The following SOCS6 variants were observed in gnomAD, a reference collection of about 807,000 sequenced individuals.
SOCS6 encodes STAT induced STAT inhibitor-4.
Under a neutral mutation model 27.7 loss-of-function variants are expected in SOCS6, and 5 were observed. The observed-to-expected ratio is 0.18, with a 90% CI of 0.09 to 0.38. The LOEUF (loss-of-function observed/expected upper bound fraction) is 0.38, where lower values mean the gene tolerates loss of function less well. Among genes scored for constraint, SOCS6 ranks in the 10% least tolerant of loss-of-function variants. The pLI is 1.00. For missense variants in SOCS6, 595 were observed against 688.1 expected, an observed-to-expected ratio of 0.86 and a Z score of 1.51; for synonymous variants, 271 against 260.0, an observed-to-expected ratio of 1.04 and a Z score of -0.41.
intron 1 of SOCS6, among the ~76,000 whole-genome samples, chr18:70,296,888 C>G (rs991918929): frequency 1.4e-5 from 2 of 138,374 alleles, no homozygotes; most frequent in African/African-American, 2.6e-5. Flanking sequence ...TCTTCCCTTT[C>G]ATTTTCTCAT....
intron 1 of SOCS6, among the ~76,000 whole-genome samples, chr18:70,289,381 C>A (rs1012335832): frequency 3.4e-5 from 5 of 148,016 alleles, no homozygotes; most frequent in African/African-American, 1.2e-4. Context: ...GGGGCCGGGG[C>A]GCGGCGGCCC....
At chr18:70,307,819 C>T (rs1422522259) in intron 1 of SOCS6, among the ~76,000 whole-genome samples, 2 of 151,934 alleles carry the variant, frequency 1.3e-5, no homozygotes, top group Non-Finnish European at 2.9e-5. Context: ...TGTTTTTTCC[C>T]TCTTGTTTTT....
chr18:70,317,493 CACATATATACATACATATATACAT>C (rs530915852), intron 1 of SOCS6, among the ~76,000 whole-genome samples: 2 of 130,346 alleles, frequency 1.5e-5, no homozygotes, highest in Admixed American at 7.3e-5. Flanking sequence ...TACATATATA[CACATATATACATACATATATACAT>C]ACATATATAC....
intron 1 of SOCS6, among the ~76,000 whole-genome samples, chr18:70,293,358 A>G (rs713130): frequency 0.7 from 106,100 of 151,972 alleles, 37,400 homozygotes; most frequent in African/African-American, 0.78. Flanking sequence ...CAGAGAGACA[A>G]CTGTCACTGC....
intron 1 of SOCS6, among the ~76,000 whole-genome samples, chr18:70,304,609 A>C (rs112976265): frequency 6.6e-6 from 1 of 152,144 alleles, no homozygotes; most frequent in African/African-American, 2.4e-5. Flanking sequence ...AGGTTTGTTC[A>C]CATCTTTTGC....
intron 1 of SOCS6, among the ~76,000 whole-genome samples, chr18:70,320,407 GA>G (rs1347043072): frequency 3.3e-5 from 5 of 152,154 alleles, no homozygotes; most frequent in Non-Finnish European, 7.3e-5. Flanking sequence ...ATAGTTATAT[GA>G]AAAGGTTATT....
chr18:70,310,464 T>C (rs1197412541), intron 1 of SOCS6, among the ~76,000 whole-genome samples: 4 of 138,680 alleles, frequency 2.9e-5, no homozygotes, highest in Non-Finnish European at 6.2e-5. Flanking sequence ...TAATTTTTTG[T>C]GGGGTTTTTT....
At chr18:70,304,725 T>C (rs1438249910) in intron 1 of SOCS6, among the ~76,000 whole-genome samples, 2 of 152,240 alleles carry the variant, frequency 1.3e-5, no homozygotes, top group Non-Finnish European at 2.9e-5. Flanking sequence ...CACAGATATT[T>C]TCTTCTAGCC....
chr18:70,289,656 C>G (rs1420448137), intron 1 of SOCS6, among the ~76,000 whole-genome samples: 2 of 149,646 alleles, frequency 1.3e-5, no homozygotes, highest in African/African-American at 2.4e-5. Flanking sequence ...GCCTGGGGCG[C>G]GGCGCTGGGA....
At chr18:70,311,431 G>T (rs2062390457) in intron 1 of SOCS6, among the ~76,000 whole-genome samples, 1 of 152,154 alleles carries the variant, frequency 6.6e-6, no homozygotes, top group South Asian at 2.1e-4. Context: ...GAGCATCACG[G>T]ACCTGCTTTT....
chr18:70,289,826 G>A (rs1481830343), intron 1 of SOCS6, among the ~76,000 whole-genome samples: 1 of 152,296 alleles, frequency 6.6e-6, no homozygotes, highest in African/African-American at 2.4e-5. Flanking sequence ...GGACCGACAC[G>A]GGCCTGAATT....
In SOCS6 at chr18:70,322,516, G is replaced by T. The variant is rs542693241; in HGVS notation, c.-126-2027G>T. On this transcript the variant is annotated intron_variant, in intron 1 of 1. Coordinates refer to ENST00000397942, the MANE Select transcript of SOCS6 (RefSeq NM_004232.4). Reference sequence around the variant, plus strand: ...TAGTCTCTCGTGTTTTGGGGTATGGGTGTGATAGTGGGAAGCACAACTATT... The same window carrying T: ...TAGTCTCTCGTGTTTTGGGGTATGGTTGTGATAGTGGGAAGCACAACTATT... Among the ~76,000 whole-genome samples, 104 of 152,154 alleles carry T rather than the reference G, an allele frequency of 6.8e-4. 1 individual carries two copies. Among genetic ancestry groups the T allele is most frequent in the Non-Finnish European group, 1.4e-3 (92 of 68,026 alleles).
chr18:70,325,855 G>A lies in SOCS6; in HGVS notation c.1187G>A (p.Gly396Glu). The change falls in exon 2 of 2, where the codon GGG (glycine) becomes GAG (glutamate). Residue 396 changes from glycine (G) to glutamate (E), a missense_variant. By Grantham distance (98) the Gly-to-Glu change is moderately conservative. Coordinates refer to ENST00000397942, the MANE Select transcript of SOCS6 (RefSeq NM_004232.4). This position sits in a 1 kb window ranked among gnomAD's most constrained non-coding sequence, Gnocchi z 6.3. ...WGPITRWEAE[G>E]KLANVPDGSF... ...CCAATCACACGTTGGGAGGCAGAAG[G>A]GAAGCTAGCAAACGTGCCAGATGGT... 6.2e-7 allele frequency: 1 copy of A among 1,614,214 alleles called. No homozygotes were observed. The highest frequency in any genetic ancestry group is 8.5e-7 in the Non-Finnish European group (1 of 1,180,024).
At chr18:70,307,490 A>G (rs903134259) in intron 1 of SOCS6, among the ~76,000 whole-genome samples, 7 of 152,190 alleles carry the variant, frequency 4.6e-5, no homozygotes, top group African/African-American at 1.7e-4. Context: ...CTTTCTTTAT[A>G]GGAAGGTTTT....
chr18:70,303,966 G>T (rs2062358837), intron 1 of SOCS6, among the ~76,000 whole-genome samples: 1 of 152,142 alleles, frequency 6.6e-6, no homozygotes, highest in Non-Finnish European at 1.5e-5. Flanking sequence ...TGAATTGGTT[G>T]TATGTGTGGA....
intron 1 of SOCS6, among the ~76,000 whole-genome samples, chr18:70,293,983 C>A (rs151268767): frequency 6.6e-6 from 1 of 151,448 alleles, no homozygotes; most frequent in South Asian, 2.1e-4. Context: ...CCCAGCTACT[C>A]GGGAGGCTGA....
At position 70,317,202 on chromosome 18, in the gene SOCS6, C is replaced by G. The variant is rs951752634; in HGVS notation, c.-126-7341C>G. ...GTGTGTAGTCTTTTATCCCTCACCC[C>G]CTCCCACACTTTCCCCTGAGTCTGC... On this transcript the variant is annotated intron_variant, in intron 1 of 1. Transcript: ENST00000397942. Among the ~76,000 whole-genome samples the G allele has an allele frequency of 3.3e-4, 50 of 152,254 alleles. 1 individual carries two copies. Among genetic ancestry groups the G allele is most frequent in the African/African-American group, 1.2e-3 (48 of 41,552 alleles).
rs765514189 is a variant in SOCS6, at chr18:70,325,182, C to T, written c.514C>T (p.Arg172Trp). Reference sequence around the variant, plus strand: ...CCCGAGTCCAGCCCTGAATGGCGTCCGGAAGGATTTCCACGACCTCCAGTC... The same window carrying T: ...CCCGAGTCCAGCCCTGAATGGCGTCTGGAAGGATTTCCACGACCTCCAGTC... ...SSPSPALNGV[R>W]KDFHDLQSET... Residue 172 changes from arginine to tryptophan, a missense_variant, in exon 2 of 2, where the codon CGG becomes TGG. Physicochemically the swap from Arg to Trp is moderately radical, Grantham distance 101 (BLOSUM62 -3). Transcript: ENST00000397942. This position sits in a 1 kb window ranked among gnomAD's most constrained non-coding sequence, Gnocchi z 6.3. The T allele has an allele frequency of 8.7e-6, 14 of 1,614,128 alleles. No individual in the cohort carries two copies. The highest frequency in any genetic ancestry group is 7.7e-5 in the South Asian group (7 of 91,072).
chr18:70,290,236 G>C (rs1229450884), intron 1 of SOCS6, among the ~76,000 whole-genome samples: 1 of 152,158 alleles, frequency 6.6e-6, no homozygotes, highest in African/African-American at 2.4e-5. Context: ...TTGGGATAAA[G>C]ATACATTTGG....
Sources: gnomAD v4.1 joint callset for allele counts (sites outside exome capture counted in the v4.1 genomes callset) on GRCh38, gnomAD v4.1.1 for gene constraint, Gnocchi (gnomAD v3.1) non-coding constraint, MANE v1.5 for transcripts, NCBI Gene and HGNC (gene_info 2026-07-23, HGNC 2026-07-21) for gene names.